Variants in PRPF18 observed in about 807,000 individuals in gnomAD.
PRPF18 encodes the protein pre-mRNA-splicing factor 18.
A neutral mutation model predicts 46.5 loss-of-function variants in PRPF18; 38 were observed. That is an observed-to-expected ratio of 0.82 (90% CI 0.63 to 1.07). PRPF18 has a LOEUF of 1.07. Ranked by LOEUF, PRPF18 falls within the 50% of genes least tolerant of loss-of-function variation. The probability of loss-of-function intolerance (pLI) is 0.00; values close to 1 mark genes in which losing one functional copy is unlikely to be tolerated. For synonymous variants in PRPF18, 152 were observed against 146.7 expected (o/e 1.04, Z -0.26); for missense variants, 263 against 410.0 (o/e 0.64, Z 3.10).
chr10:13,593,217 A>C (rs1589117048), intron 1 of PRPF18, among the ~76,000 whole-genome samples: 2 of 152,236 alleles, frequency 1.3e-5, no homozygotes, highest in South Asian at 2.1e-4. Context: ...TGGAAAATCT[A>C]AGTGAAGTAA....
chr10:13,645,172 C>T, the PRPF18 span: 1 of 152,218 alleles, frequency 6.6e-6, no homozygotes. Flanking sequence ...CCTTACCCTT[C>T]TGGTCTGGTA....
the PRPF18 span, among the ~76,000 whole-genome samples, chr10:13,636,625 G>A: frequency 2.6e-5 from 4 of 152,180 alleles, no homozygotes; most frequent in South Asian, 6.2e-4. Flanking sequence ...AAAATTACTA[G>A]AGTATCACAT....
chr10:13,625,670 A>G (rs1181008282), intron 9 of PRPF18, among the ~76,000 whole-genome samples: 2 of 152,236 alleles, frequency 1.3e-5, no homozygotes, highest in Admixed American at 6.5e-5. Flanking sequence ...ATCAAGGCAC[A>G]AAAGAATGCA....
intron 8 of PRPF18, among the ~76,000 whole-genome samples, chr10:13,615,732 T>A (rs10796101): frequency 0.4 from 61,249 of 151,358 alleles, 13,548 homozygotes; most frequent in East Asian, 0.78. Flanking sequence ...AAAAAAAGCC[T>A]TTTGTCTTCA....
intron 9 of PRPF18, among the ~76,000 whole-genome samples, chr10:13,629,941 G>C (rs2080571027): frequency 1.3e-5 from 2 of 152,194 alleles, no homozygotes; most frequent in South Asian, 4.1e-4. Context: ...CATGTAGCTA[G>C]AGTTAATTCA....
the PRPF18 span, chr10:13,641,365 C>G: frequency 6.6e-6 from 1 of 152,170 alleles, no homozygotes; most frequent in Non-Finnish European, 1.5e-5. Flanking sequence ...GAGTTTAGTT[C>G]AGGACATGTT....
chr10:13,616,329 C>A, intron 8 of PRPF18, 69 bp from the exon 9 acceptor site: 2 of 1,460,556 alleles, frequency 1.4e-6, no homozygotes, highest in East Asian at 2.3e-5. Context: ...CTGTGAAATA[C>A]TTTCAGTAAG....
chr10:13,616,938 A>G (rs1009156899), intron 9 of PRPF18, among the ~76,000 whole-genome samples: 13 of 152,202 alleles, frequency 8.5e-5, no homozygotes, highest in Admixed American at 8.5e-4. Context: ...GTTGCTTTCA[A>G]GGTAAATCTA....
At chr10:13,646,687 G>A in the PRPF18 span, 2 of 152,906 alleles carry the variant, frequency 1.3e-5, no homozygotes, top group African/African-American at 4.8e-5. Flanking sequence ...AGCCACCAAG[G>A]TGCCATTGAG....
At position 13,587,073 on chromosome 10, in the gene PRPF18, A is replaced by C. The variant is rs1257560074; in HGVS notation, c.-14A>C. Reference sequence around the variant, plus strand: ...GCTGGAGCGGGAAACTGGAGCTTAAATTCTGGCGGCGAGATGGACATTCTG... The same window carrying C: ...GCTGGAGCGGGAAACTGGAGCTTAACTTCTGGCGGCGAGATGGACATTCTG... On this transcript the variant is annotated 5_prime_UTR_variant, in exon 1 of 10. Transcript: ENST00000378572. The C allele has an allele frequency of 6.2e-7, 1 of 1,613,826 alleles. No homozygotes were observed. The highest frequency in any genetic ancestry group is 8.5e-7 in the Non-Finnish European group (1 of 1,179,806).
At chr10:13,591,718 A>G in intron 1 of PRPF18, 1 of 917,102 alleles carries the variant, frequency 1.1e-6, no homozygotes, top group South Asian at 1.4e-5. Context: ...ATCGCTGATA[A>G]CAATTTTGGT....
chr10:13,618,259 A>G (rs1437125507), intron 9 of PRPF18, among the ~76,000 whole-genome samples: 3 of 152,146 alleles, frequency 2.0e-5, no homozygotes, highest in Non-Finnish European at 4.4e-5. Context: ...AATATTTAGG[A>G]AGGAAGGATT....
the PRPF18 span, chr10:13,641,133 T>C: frequency 6.6e-6 from 1 of 152,258 alleles, no homozygotes; most frequent in Admixed American, 6.5e-5. Context: ...TAATTTACTT[T>C]CTATTGGCCC....
At chr10:13,649,957 A>T in the PRPF18 span, among the ~76,000 whole-genome samples, 3 of 152,232 alleles carry the variant, frequency 2.0e-5, no homozygotes, top group Non-Finnish European at 4.4e-5. Flanking sequence ...TGTGACCCAG[A>T]AGAGCAGCTT....
chr10:13,649,590 C>G, the PRPF18 span: 5 of 152,224 alleles, frequency 3.3e-5, no homozygotes, highest in South Asian at 1.0e-3. Flanking sequence ...TCCAAACTTG[C>G]GATGTTTTAT....
rs933339145 is a variant in PRPF18, at chr10:13,630,648, A to G, written c.*308A>G. ...AATGACCTTTTTTTCAGTTGACCCG[A>G]AAGTTGTGGTTAGATGATTAAAAAG... On this transcript the variant is annotated 3_prime_UTR_variant, in exon 10 of 10. Coordinates refer to ENST00000378572, the MANE Select transcript of PRPF18 (RefSeq NM_003675.4). The G allele has an allele frequency of 1.2e-5, 2 of 169,898 alleles. No individual in the cohort carries two copies. The highest frequency in any genetic ancestry group is 2.4e-5 in the African/African-American group (1 of 42,136). 10.5% of individuals were successfully genotyped at this position (169,898 alleles called of 1,614,324 possible).
At chr10:13,633,784 A>C (rs1479904518), downstream of PRPF18, among the ~76,000 whole-genome samples, 2 of 152,180 alleles carry the variant, frequency 1.3e-5, no homozygotes, top group Admixed American at 6.5e-5. Flanking sequence ...ATCCCATAGC[A>C]ATCTATGGTA....
intron 3 of PRPF18, among the ~76,000 whole-genome samples, chr10:13,604,222 C>T (rs1335838328): frequency 6.6e-6 from 1 of 152,112 alleles, no homozygotes; most frequent in African/African-American, 2.4e-5. Flanking sequence ...CCACTGGGAG[C>T]CCTCTCAATG....
At chr10:13,654,339 CCT>C in the PRPF18 span, 1 of 950,968 alleles carries the variant, frequency 1.1e-6, no homozygotes, top group Non-Finnish European at 1.7e-6. Context: ...ACTGACATAT[CCT>C]TATGTCACCA....
Sources: gnomAD v4.1 joint callset for allele counts (sites outside exome capture counted in the v4.1 genomes callset) on GRCh38, gnomAD v4.1.1 for gene constraint, MANE v1.5 for transcripts, NCBI Gene and HGNC (gene_info 2026-07-23, HGNC 2026-07-21) for gene names.